The following IMPG2 variants were observed in gnomAD, a reference collection of about 807,000 sequenced individuals.
The protein encoded by IMPG2 is IPM 200.
In IMPG2, 91 loss-of-function variants were observed where a neutral mutation model predicts 129.2. That is an observed-to-expected ratio of 0.70 (90% confidence interval 0.59 to 0.84). The LOEUF (loss-of-function observed/expected upper bound fraction) is 0.84. Among genes scored for constraint, IMPG2 ranks in the 40% least tolerant of loss-of-function variants. The pLI, the probability that IMPG2 is intolerant of heterozygous loss-of-function variation, is 0.00. For synonymous variants in IMPG2, 510 were observed against 517.7 expected, an observed-to-expected ratio of 0.99 and a Z score of 0.20; for missense variants, 1,430 against 1,461.7, an observed-to-expected ratio of 0.98 and a Z score of 0.35.
At chr3:101,250,663 T>C (rs1469785551) in intron 11 of IMPG2, among the ~76,000 whole-genome samples, 3 of 152,178 alleles carry the variant, frequency 2.0e-5, no homozygotes, top group Admixed American at 1.3e-4. Context: ...CAAGTATATA[T>C]TCCCAAGTGA....
chr3:101,252,932 G>C (rs1358036565), intron 11 of IMPG2, among the ~76,000 whole-genome samples: 2 of 152,160 alleles, frequency 1.3e-5, no homozygotes, highest in Non-Finnish European at 2.9e-5. Flanking sequence ...TCCCCCTACT[G>C]TTTGTATATG....
At chr3:101,272,071 T>C (rs560311221) in intron 7 of IMPG2, among the ~76,000 whole-genome samples, 1 of 150,436 alleles carries the variant, frequency 6.6e-6, no homozygotes, top group South Asian at 2.1e-4. Context: ...AAGCCTATCA[T>C]GCCCCCACTT....
At chr3:101,307,929 G>A (rs1002288978) in intron 2 of IMPG2, among the ~76,000 whole-genome samples, 34 of 152,176 alleles carry the variant, frequency 2.2e-4, no homozygotes, top group South Asian at 8.3e-4. Flanking sequence ...TAGATACAAC[G>A]GAGGTACAGA....
rs1706263272 is a variant in IMPG2 at position 101,229,583 on chromosome 3, T to C, written c.3430A>G (p.Ser1144Gly). ...GATGAGAGGCTGTCAGGCTGCCTGCTGGAGCCACTAAAAGAAAGATATGAT... is the reference window on the plus strand; with the variant it reads ...GATGAGAGGCTGTCAGGCTGCCTGCCGGAGCCACTAAAAGAAAGATATGAT... ...SERESPFSGS[S>G]RQPDSLSSIE... The change falls in exon 17 of 19, where the codon AGC becomes GGC. Residue 1144 changes from serine (S) to glycine (G), a missense_variant. Transcript: ENST00000193391. The C allele has an allele frequency of 2.5e-6, 4 of 1,613,646 alleles. No homozygotes were observed. Among genetic ancestry groups the C allele is most frequent in the Admixed American group, 1.7e-5 (1 of 59,982 alleles).
chr3:101,248,997 G>C (rs1003058823), intron 11 of IMPG2, among the ~76,000 whole-genome samples: 2 of 152,166 alleles, frequency 1.3e-5, no homozygotes, highest in African/African-American at 4.8e-5. Context: ...AGGAAGGAGA[G>C]GTCAGGGTAT....
intron 14 of IMPG2, among the ~76,000 whole-genome samples, chr3:101,236,409 C>T (rs1224005753): frequency 1.3e-5 from 2 of 152,152 alleles, no homozygotes; most frequent in Admixed American, 1.3e-4. Context: ...TGGTGGCTGC[C>T]AAGATGGCCA....
At chr3:101,304,755 G>A (rs1276345763) in intron 2 of IMPG2, among the ~76,000 whole-genome samples, 1 of 151,882 alleles carries the variant, frequency 6.6e-6, no homozygotes, top group Non-Finnish European at 1.5e-5. Flanking sequence ...ACTGGGGAAG[G>A]AGACACTGAC....
rs151220850 is a variant in IMPG2, at chr3:101,239,633, C to T, written c.3022+3055G>A. Among the ~76,000 whole-genome samples the T allele has an allele frequency of 5.8e-3, 881 of 152,220 alleles. 5 individuals are homozygous for T. Among genetic ancestry groups the T allele is most frequent in the African/African-American group, 0.02 (836 of 41,506 alleles). ...GACACATGCACATGTATGTTTATTG[C>T]GGCACTATTCACAATAGCAAAGACT... On this transcript the variant is annotated intron_variant, in intron 14 of 18. Coordinates refer to ENST00000193391, the MANE Select transcript of IMPG2 (RefSeq NM_016247.4).
chr3:101,261,918 C>A (rs1706675326), intron 9 of IMPG2, among the ~76,000 whole-genome samples: 1 of 152,152 alleles, frequency 6.6e-6, no homozygotes, highest in Non-Finnish European at 1.5e-5. Context: ...CTAACCACCA[C>A]TGGATCATCA....
chr3:101,280,547 T>G (rs1168679338), intron 4 of IMPG2, among the ~76,000 whole-genome samples: 1 of 152,124 alleles, frequency 6.6e-6, no homozygotes, highest in Non-Finnish European at 1.5e-5. Context: ...AAATATTATA[T>G]GCAGAAGCAT....
rs776953424 is a variant in IMPG2, at chr3:101,246,041, AGTG to A, written c.1301_1303del (p.Pro434del). On this transcript the variant is annotated inframe_deletion, in exon 12 of 19. Coordinates refer to ENST00000193391, the MANE Select transcript of IMPG2 (RefSeq NM_016247.4). ...TGAGGGAGGACCAGAGCTGAAATCA[AGTG>A]GTGGAATACTGCTGGTGATGGATTC... is the stretch of plus-strand genomic sequence containing the variant. 5.3e-5 allele frequency: 85 copies of A among 1,614,034 alleles called. No homozygotes were observed. The highest frequency in any genetic ancestry group is 6.9e-5 in the Non-Finnish European group (81 of 1,180,008).
intron 17 of IMPG2, 60 bp downstream of exon 17, chr3:101,229,320 G>GCGGC: frequency 5.8e-6 from 3 of 519,336 alleles, no homozygotes; most frequent in East Asian, 5.2e-5. Context: ...ACCACCCCCT[G>GCGGC]CTCCCCCACA....
At chr3:101,295,220 A>C (rs1014955299) in intron 3 of IMPG2, among the ~76,000 whole-genome samples, 1 of 152,158 alleles carries the variant, frequency 6.6e-6, no homozygotes, top group Non-Finnish European at 1.5e-5. Context: ...TGGGTTTTAC[A>C]TTTAAGTCTT....
intron 3 of IMPG2, among the ~76,000 whole-genome samples, chr3:101,297,722 T>C (rs1707095714): frequency 6.6e-6 from 1 of 152,248 alleles, no homozygotes; most frequent in Non-Finnish European, 1.5e-5. Context: ...AGTGAGTTTC[T>C]TAAGCCTCAG....
At chr3:101,303,104 C>T (rs1436574773) in intron 3 of IMPG2, among the ~76,000 whole-genome samples, 3 of 152,132 alleles carry the variant, frequency 2.0e-5, no homozygotes, top group Admixed American at 6.5e-5. Context: ...ATAATTATTT[C>T]CTCAGTCTCT....
rs1706568274 is a variant in IMPG2, at chr3:101,253,694, A to T, written c.1239+2T>A. On this transcript the variant is annotated splice_donor_variant, in intron 11 of 18. Transcript: ENST00000193391. LOFTEE classifies it high-confidence loss of function. ...GTTCTAGCATAAAACATAAAAACAT[A>T]CCAGAATAGATGACGGCGTTGCCTG... The T allele has an allele frequency of 6.2e-7, 1 of 1,605,080 alleles. No individual in the cohort carries two copies. The highest frequency in any genetic ancestry group is 8.5e-7 in the Non-Finnish European group (1 of 1,173,022).
At chr3:101,305,572 G>A (rs1324296154) in intron 2 of IMPG2, among the ~76,000 whole-genome samples, 2 of 151,994 alleles carry the variant, frequency 1.3e-5, no homozygotes, top group African/African-American at 4.8e-5. Context: ...GAAAAGTGGT[G>A]GGGGAGTTGA....
rs755447580 is a variant in IMPG2 at position 101,245,832 on chromosome 3, T to C, written c.1513A>G (p.Arg505Gly). 6.2e-7 allele frequency: 1 copy of C among 1,614,186 alleles called. No individual in the cohort carries two copies. The highest frequency in any genetic ancestry group is 8.5e-7 in the Non-Finnish European group (1 of 1,179,996). ...TCTACCAAGTGAGATCCAGAAGTCC[T>C]TTCCTCAGAAGCCACAGGCAAGCCA... is the stretch of plus-strand genomic sequence containing the variant. ...QTGLPVASEE[R>G]TSGSHLVEDG... The change falls in exon 12 of 19, where the codon AGG becomes GGG. Residue 505 changes from arginine to glycine, a missense_variant. Transcript: ENST00000193391.
At position 101,267,613 on chromosome 3, in the gene IMPG2, A is replaced by C; in HGVS notation, c.888-82T>G. ...TCATTCATCAAAGTGCAAGTTATTC[A>C]TGTATTTCCTCTGAATTTCTTTGAA... On this transcript the variant is annotated intron_variant, in intron 8 of 18. Transcript: ENST00000193391. 4 of 1,142,970 alleles carry C rather than the reference A, an allele frequency of 3.5e-6. No individual in the cohort carries two copies. In the South Asian group the frequency reaches 3.8e-5, roughly 11 times the overall value. 70.8% of individuals were successfully genotyped at this position (1,142,970 alleles called of 1,614,324 possible).
Sources: gnomAD v4.1 joint callset for allele counts (sites outside exome capture counted in the v4.1 genomes callset) on GRCh38, gnomAD v4.1.1 for gene constraint, MANE v1.5 for transcripts, NCBI Gene and HGNC (gene_info 2026-07-23, HGNC 2026-07-21) for gene names.